TAFA1: variants seen among roughly 807,000 people sequenced by gnomAD.
The protein encoded by TAFA1 is TAFA chemokine like family member 1.
A neutral mutation model predicts 18.5 loss-of-function variants in TAFA1; 4 were observed. The observed-to-expected ratio is 0.22, with a 90% CI of 0.11 to 0.49. The LOEUF is 0.49. Ranked by LOEUF, TAFA1 falls within the 20% of genes least tolerant of loss-of-function variation. TAFA1 has a pLI of 0.98. For synonymous variants in TAFA1, 56 were observed against 55.2 expected, an observed-to-expected ratio of 1.01 and a Z score of -0.06; for missense variants, 147 against 169.0, an observed-to-expected ratio of 0.87 and a Z score of 0.72.
chr3:68,503,319 A>T (rs1302836371), intron 3 of TAFA1, among the ~76,000 whole-genome samples: 1 of 152,158 alleles, frequency 6.6e-6, no homozygotes, highest in Non-Finnish European at 1.5e-5. Flanking sequence ...AAACCCAAAA[A>T]ACCTGAAATC....
At chr3:68,322,318 A>G (rs1475649752) in intron 2 of TAFA1, among the ~76,000 whole-genome samples, 1 of 152,266 alleles carries the variant, frequency 6.6e-6, no homozygotes, top group Non-Finnish European at 1.5e-5. Flanking sequence ...TAATGCTTCT[A>G]TAAGATTTGC....
At chr3:68,169,001 G>A (rs912823813) in intron 2 of TAFA1, among the ~76,000 whole-genome samples, 16 of 152,108 alleles carry the variant, frequency 1.1e-4, no homozygotes, top group Non-Finnish European at 2.1e-4. Context: ...TATTCTTTAA[G>A]GAATGGTCAT....
At position 68,068,436 on chromosome 3, in the gene TAFA1, G is replaced by C. The variant is rs116885265; in HGVS notation, c.118+61692G>C. ...AGCTGGCTATTTCTGCTTTTCTGAG[G>C]CTTGAGACTTCATAGTATAACAGTG... On this transcript the variant is annotated intron_variant, in intron 2 of 4. Transcript: ENST00000478136. Among the ~76,000 whole-genome samples the C allele has an allele frequency of 5.2e-3, 797 of 152,178 alleles. 32 individuals carry two copies. In the East Asian group the frequency reaches 0.1, roughly 19 times the overall value.
rs182481162 is a variant in TAFA1 at position 68,405,281 on chromosome 3, T to C, written c.119-11999T>C. 4.6e-5 allele frequency among the ~76,000 whole-genome samples: 7 copies of C among 152,228 alleles called. No homozygotes were observed. The East Asian group carries it at 1.4e-3, about 30-fold the overall frequency. ...TTATTGTTGGGCTTCTTTCTCAGTATGTATTCCTGCTTGTATATCATTAAA... is the reference window on the plus strand; with the variant it reads ...TTATTGTTGGGCTTCTTTCTCAGTACGTATTCCTGCTTGTATATCATTAAA... On this transcript the variant is annotated intron_variant, in intron 2 of 4. Coordinates refer to ENST00000478136, the MANE Select transcript of TAFA1 (RefSeq NM_213609.4).
chr3:68,479,241 A>AAAAATATATAT lies in TAFA1; in HGVS notation c.260-59514_260-59513insAAATATATATA, dbSNP rs1353493315. Among the ~76,000 whole-genome samples, 104 of 123,644 alleles carry AAAAATATATAT rather than the reference A, an allele frequency of 8.4e-4. 1 individual carries two copies. The East Asian group carries it at 0.011, about 13-fold the overall frequency. 81.1% of individuals were successfully genotyped at this position (123,644 alleles called of 152,430 possible). A position where few individuals can be genotyped will look rare whatever the true frequency, so the allele number is the denominator to read the frequency against. ...TGAGACTCCATCTCAAAAAAAAAAA[A>AAAAATATATAT]ATATATATATATATATATATATGTC... On this transcript the variant is annotated intron_variant, in intron 3 of 4. Coordinates refer to ENST00000478136, the MANE Select transcript of TAFA1 (RefSeq NM_213609.4).
chr3:68,460,638 G>T (rs1199093707), intron 3 of TAFA1, among the ~76,000 whole-genome samples: 1 of 152,170 alleles, frequency 6.6e-6, no homozygotes, highest in Non-Finnish European at 1.5e-5. Flanking sequence ...GGAACCCAGA[G>T]AAACAGAGAG....
chr3:68,104,128 C>A (rs1240436777), intron 2 of TAFA1, among the ~76,000 whole-genome samples: 4 of 152,080 alleles, frequency 2.6e-5, no homozygotes, highest in African/African-American at 9.7e-5. Context: ...ATAACTCTCA[C>A]ATTCTGTACT....
chr3:68,039,511 T>A (rs528073459), intron 2 of TAFA1, among the ~76,000 whole-genome samples: 13 of 152,312 alleles, frequency 8.5e-5, no homozygotes, highest in African/African-American at 2.9e-4. Context: ...GTGTATTTTA[T>A]ACGATTGATA....
intron 2 of TAFA1, among the ~76,000 whole-genome samples, chr3:68,062,818 G>A (rs2064621541): frequency 6.6e-6 from 1 of 152,158 alleles, no homozygotes; most frequent in Non-Finnish European, 1.5e-5. Flanking sequence ...TTGAATGAAG[G>A]GAAGAAATGC....
intron 2 of TAFA1, among the ~76,000 whole-genome samples, chr3:68,277,239 G>A (rs549711782): frequency 6.6e-5 from 10 of 152,228 alleles, no homozygotes; most frequent in East Asian, 1.9e-4. Context: ...GCTGGCAATC[G>A]TTTGGCTGTC....
At chr3:68,111,103 G>A (rs1014072291) in intron 2 of TAFA1, among the ~76,000 whole-genome samples, 1 of 152,122 alleles carries the variant, frequency 6.6e-6, no homozygotes, top group Non-Finnish European at 1.5e-5. Context: ...TAGAAATATA[G>A]GCTACCACTA....
intron 2 of TAFA1, among the ~76,000 whole-genome samples, chr3:68,076,193 T>C (rs939177475): frequency 6.6e-6 from 1 of 151,998 alleles, no homozygotes; most frequent in African/African-American, 2.4e-5. Flanking sequence ...TAGTGGTCTT[T>C]GAAGATGAGA....
intron 2 of TAFA1, among the ~76,000 whole-genome samples, chr3:68,385,499 T>C (rs898980736): frequency 8.5e-5 from 13 of 152,124 alleles, no homozygotes; most frequent in Admixed American, 5.9e-4. Context: ...ACTTAAAGTC[T>C]CTGGGCCTGT....
chr3:68,124,058 G>T (rs2065435482), intron 2 of TAFA1, among the ~76,000 whole-genome samples: 1 of 152,076 alleles, frequency 6.6e-6, no homozygotes, highest in South Asian at 2.1e-4. Flanking sequence ...TGAAATTTTT[G>T]AAGCGTTTGC....
intron 2 of TAFA1, among the ~76,000 whole-genome samples, chr3:68,217,333 GA>G (rs1273129861): frequency 2.6e-5 from 4 of 151,394 alleles, no homozygotes; most frequent in African/African-American, 9.7e-5. Flanking sequence ...TCTAATTATG[GA>G]AAAAAATCAG....
At chr3:68,317,954 G>A (rs954883477) in intron 2 of TAFA1, among the ~76,000 whole-genome samples, 1 of 152,158 alleles carries the variant, frequency 6.6e-6, no homozygotes, top group Middle Eastern at 3.4e-3. Flanking sequence ...GAAATCCAAC[G>A]CTTTGCAATG....
At chr3:68,094,610 G>A (rs1000302253) in intron 2 of TAFA1, among the ~76,000 whole-genome samples, 1 of 152,158 alleles carries the variant, frequency 6.6e-6, no homozygotes, top group African/African-American at 2.4e-5. Flanking sequence ...TTACAGTAGG[G>A]AACAGACATA....
At position 68,307,370 on chromosome 3, in the gene TAFA1, C is replaced by T. The variant is rs902391880; in HGVS notation, c.119-109910C>T. Among the ~76,000 whole-genome samples, 3 of 152,112 alleles carry T rather than the reference C, an allele frequency of 2.0e-5. No homozygotes were observed. In the South Asian group the frequency reaches 6.2e-4, roughly 32 times the overall value. The stretch of plus-strand genomic sequence containing the variant: ...TTCAAATATATTTTTTCTAGCATCC[C>T]ATTGCTGGTCTAGAGTGGTCTTATA... On this transcript the variant is annotated intron_variant, in intron 2 of 4. Coordinates refer to ENST00000478136, the MANE Select transcript of TAFA1 (RefSeq NM_213609.4).
At chr3:68,119,718 T>A (rs9819989) in intron 2 of TAFA1, among the ~76,000 whole-genome samples, 79,279 of 151,948 alleles carry the variant, frequency 0.52, 21,637 homozygotes, top group South Asian at 0.63. Context: ...GTGCTCTAAT[T>A]TGTTCTATTG....
Sources: gnomAD v4.1 joint callset for allele counts (sites outside exome capture counted in the v4.1 genomes callset) on GRCh38, gnomAD v4.1.1 for gene constraint, MANE v1.5 for transcripts, NCBI Gene and HGNC (gene_info 2026-07-23, HGNC 2026-07-21) for gene names.